The following SEC11A variants were observed in gnomAD, a reference collection of about 807,000 sequenced individuals.
The protein encoded by SEC11A is signal peptidase complex catalytic subunit SEC11A.
A neutral mutation model predicts 25.6 loss-of-function variants in SEC11A; 14 were observed. The ratio of observed to expected loss-of-function variants is 0.55; its 90% confidence interval spans 0.36 to 0.85. The LOEUF is 0.85. Ranked by LOEUF, SEC11A falls within the 40% of genes least tolerant of loss-of-function variation. The pLI, the probability that SEC11A is intolerant of heterozygous loss-of-function variation, is 0.01. For synonymous variants in SEC11A, 83 were observed against 76.4 expected (o/e 1.09, Z -0.45); for missense variants, 153 against 222.9 (o/e 0.69, Z 2.00).
intron 1 of SEC11A, among the ~76,000 whole-genome samples, chr15:84,698,767 C>T (rs1276815823): frequency 6.6e-6 from 1 of 152,124 alleles, no homozygotes; most frequent in East Asian, 1.9e-4. Context: ...CTCAAATGCC[C>T]ATCAACAGAT....
chr15:84,694,641 C>T (rs139924841), intron 1 of SEC11A, among the ~76,000 whole-genome samples: 18 of 152,192 alleles, frequency 1.2e-4, no homozygotes, highest in Non-Finnish European at 1.5e-5. Flanking sequence ...TACTTTCATA[C>T]TAGGGTGTTA....
intron 1 of SEC11A, among the ~76,000 whole-genome samples, chr15:84,704,795 C>T (rs1382548384): frequency 6.6e-6 from 1 of 152,148 alleles, no homozygotes; most frequent in Non-Finnish European, 1.5e-5. Flanking sequence ...CAAACCCTCA[C>T]CAAAAGGTCT....
intron 3 of SEC11A, among the ~76,000 whole-genome samples, chr15:84,681,448 G>A (rs1314446011): frequency 6.6e-6 from 1 of 152,074 alleles, no homozygotes; most frequent in Non-Finnish European, 1.5e-5. Flanking sequence ...TGGCCAACAT[G>A]GCGAAACCCT....
intron 1 of SEC11A, among the ~76,000 whole-genome samples, chr15:84,697,714 T>C (rs1304327515): frequency 6.6e-6 from 1 of 152,216 alleles, no homozygotes; most frequent in Admixed American, 6.5e-5. Flanking sequence ...TATGTCTGAA[T>C]GCTTAGGAAT....
Position 84,680,719 on chromosome 15 carries a change from G to A in SEC11A, c.425C>T (p.Ala142Val). The stretch of plus-strand genomic sequence containing the variant: ...TGCTCCCCTCTATACTTACCCCCTG[G>A]CTCTCCCCACAACATCTTTTTTCTC... ...WLEKKDVVGR[A>V]RGFVPYIGIV... Residue 142 changes from alanine (A) to valine (V), a missense_variant, in exon 4 of 6, where the codon GCC becomes GTC. Transcript: ENST00000268220. The A allele has an allele frequency of 6.2e-7, 1 of 1,610,032 alleles. No homozygotes were observed. The highest frequency in any genetic ancestry group is 8.5e-7 in the Non-Finnish European group (1 of 1,177,598).
At chr15:84,677,044 T>A (rs1024963408) in intron 4 of SEC11A, among the ~76,000 whole-genome samples, 1 of 152,096 alleles carries the variant, frequency 6.6e-6, no homozygotes, top group Non-Finnish European at 1.5e-5. Context: ...TGAGCCATGA[T>A]TCTGCCACTG....
At chr15:84,690,264 T>C (rs1304187173) in intron 2 of SEC11A, among the ~76,000 whole-genome samples, 3 of 152,032 alleles carry the variant, frequency 2.0e-5, no homozygotes, top group Non-Finnish European at 2.9e-5. Flanking sequence ...AAAGGGGAGT[T>C]CCCCTGCAAA....
intron 1 of SEC11A, among the ~76,000 whole-genome samples, chr15:84,695,710 T>C (rs1206767030): frequency 2.0e-5 from 3 of 152,202 alleles, no homozygotes; most frequent in Non-Finnish European, 4.4e-5. Context: ...AACCTGTTTT[T>C]CCTGCATACT....
chr15:84,687,963 AT>A (rs1422845305), intron 2 of SEC11A, among the ~76,000 whole-genome samples, 189 bp from the exon 3 acceptor site: 2 of 151,772 alleles, frequency 1.3e-5, no homozygotes, highest in Non-Finnish European at 2.9e-5. Flanking sequence ...ACGCCAAAGG[AT>A]TTTTTTTTAG....
intron 3 of SEC11A, among the ~76,000 whole-genome samples, 176 bp from the exon 4 acceptor site, chr15:84,681,008 G>A (rs1897270719): frequency 1.3e-5 from 2 of 151,966 alleles, no homozygotes; most frequent in Non-Finnish European, 2.9e-5. Flanking sequence ...GTTCATAAAC[G>A]ACTAAAAACA....
chr15:84,679,351 T>C, intron 4 of SEC11A: 1 of 612,026 alleles, frequency 1.6e-6, no homozygotes, highest in South Asian at 1.5e-5. Context: ...AGCGGGGACA[T>C]ATTAAAACAA....
chr15:84,698,990 T>C (rs554449584), intron 1 of SEC11A, among the ~76,000 whole-genome samples: 3 of 151,880 alleles, frequency 2.0e-5, no homozygotes, highest in Non-Finnish European at 2.9e-5. Context: ...GAATTAACTA[T>C]TGACACATGC....
chr15:84,682,096 G>A (rs1056118030), intron 3 of SEC11A, among the ~76,000 whole-genome samples: 1 of 151,956 alleles, frequency 6.6e-6, no homozygotes, highest in Non-Finnish European at 1.5e-5. Context: ...GGAAGAGGTG[G>A]GAGTAGAGAT....
In SEC11A at chr15:84,680,824, C is replaced by T; in HGVS notation, c.320G>A (p.Gly107Glu). 1 of 1,606,948 alleles carries T rather than the reference C, an allele frequency of 6.2e-7. No homozygotes were observed. Among genetic ancestry groups the T allele is most frequent in the Non-Finnish European group, 8.5e-7 (1 of 1,175,758 alleles). ...RVLKIHEKQN[G>E]HIKFLTKGDN... The stretch of plus-strand genomic sequence containing the variant: ...TCCTTTGGTCAAAAACTTGATATGC[C>T]CATTTTGCCTTAAAAGAGTAAAGGA... The change falls in exon 4 of 6, where the codon GGG becomes GAG. Residue 107 changes from glycine (G) to glutamate (E), a missense_variant. By Grantham distance (98) the Gly-to-Glu change is moderately conservative. Coordinates refer to ENST00000268220, the MANE Select transcript of SEC11A (RefSeq NM_014300.4).
At chr15:84,674,716 G>A (rs1188039201) in intron 4 of SEC11A, among the ~76,000 whole-genome samples, 4 of 151,958 alleles carry the variant, frequency 2.6e-5, no homozygotes, top group Non-Finnish European at 5.9e-5. Context: ...ACGCCACCAT[G>A]CCTGGCTAAT....
At chr15:84,690,388 A>T (rs1247821970) in intron 2 of SEC11A, among the ~76,000 whole-genome samples, 1 of 152,164 alleles carries the variant, frequency 6.6e-6, no homozygotes, top group Non-Finnish European at 1.5e-5. Context: ...TTTCTTTCGT[A>T]AATTGCCCAG....
At chr15:84,691,409 T>C in intron 2 of SEC11A, 126 bp downstream of exon 2, 1 of 609,198 alleles carries the variant, frequency 1.6e-6, no homozygotes, top group Non-Finnish European at 2.9e-6. Context: ...AGTGACTAAT[T>C]TTCTTCCAGG....
At chr15:84,715,698 C>G (rs1053377189) in intron 1 of SEC11A, among the ~76,000 whole-genome samples, 1 of 152,174 alleles carries the variant, frequency 6.6e-6, no homozygotes, top group African/African-American at 2.4e-5. Context: ...AAGAGTCCGC[C>G]GCCTTAAAAT....
intron 1 of SEC11A, among the ~76,000 whole-genome samples, chr15:84,694,209 G>A (rs1897692412): frequency 6.6e-6 from 1 of 151,966 alleles, no homozygotes; most frequent in Admixed American, 6.6e-5. Context: ...ACAAAAATTA[G>A]CTGGGTGTGG....
Sources: gnomAD v4.1 joint callset for allele counts (sites outside exome capture counted in the v4.1 genomes callset) on GRCh38, gnomAD v4.1.1 for gene constraint, MANE v1.5 for transcripts, NCBI Gene and HGNC (gene_info 2026-07-23, HGNC 2026-07-21) for gene names.